GPR139: variants seen among roughly 807,000 people sequenced by gnomAD.
The protein encoded by GPR139 is probable G protein-coupled receptor 139.
Under a neutral mutation model 25.8 loss-of-function variants are expected in GPR139, and 12 were observed. The ratio of observed to expected loss-of-function variants is 0.47; its 90% CI spans 0.30 to 0.75. The LOEUF is 0.75. Ranked by LOEUF, GPR139 falls within the 30% of genes least tolerant of loss-of-function variation. GPR139 has a pLI of 0.07. For synonymous variants in GPR139, 184 were observed against 179.9 expected (o/e 1.02, Z -0.18); for missense variants, 380 against 450.2 (o/e 0.84, Z 1.41).
At chr16:20,032,998 C>T (rs962713304) in intron 1 of GPR139, among the ~76,000 whole-genome samples, 26 of 146,932 alleles carry the variant, frequency 1.8e-4, no homozygotes, top group African/African-American at 3.3e-4. Flanking sequence ...GTGGTGTTGC[C>T]GCCATTCTCC....
chr16:20,052,748 C>T (rs1475888544), intron 1 of GPR139, among the ~76,000 whole-genome samples: 1 of 147,612 alleles, frequency 6.8e-6, no homozygotes, highest in East Asian at 2.0e-4. Context: ...GAGATCGCGC[C>T]ACTGCACTCA....
chr16:20,048,723 C>A (rs1289610962), intron 1 of GPR139, among the ~76,000 whole-genome samples: 1 of 152,168 alleles, frequency 6.6e-6, no homozygotes, highest in Non-Finnish European at 1.5e-5. Context: ...CAGTTACACA[C>A]CCCATCCCAA....
intron 1 of GPR139, among the ~76,000 whole-genome samples, chr16:20,057,034 A>G (rs1201773237): frequency 6.6e-6 from 1 of 152,234 alleles, no homozygotes; most frequent in Non-Finnish European, 1.5e-5. Context: ...GAAGGAAGAC[A>G]CAGTTCCTTG....
At chr16:20,042,403 A>G (rs559041462) in intron 1 of GPR139, among the ~76,000 whole-genome samples, 1 of 152,246 alleles carries the variant, frequency 6.6e-6, no homozygotes, top group Non-Finnish European at 1.5e-5. Context: ...GCTTCTCCCC[A>G]TGGCACATTC....
intron 1 of GPR139, among the ~76,000 whole-genome samples, chr16:20,063,381 A>G (rs998981854): frequency 6.6e-6 from 1 of 152,214 alleles, no homozygotes; most frequent in Admixed American, 6.5e-5. Context: ...ATGTGTCTGT[A>G]GTCCTAGCTA....
At chr16:20,067,753 G>A (rs898416346) in intron 1 of GPR139, among the ~76,000 whole-genome samples, 11 of 141,144 alleles carry the variant, frequency 7.8e-5, no homozygotes, top group Non-Finnish European at 1.3e-4. Context: ...GCGGTGAGCC[G>A]AGATTGCACC....
intron 1 of GPR139, among the ~76,000 whole-genome samples, chr16:20,035,765 GT>G (rs2057307803): frequency 6.6e-6 from 1 of 152,206 alleles, no homozygotes; most frequent in South Asian, 2.1e-4. Context: ...ATGTGCAAAT[GT>G]TCTGAGGGGG....
rs1307718577 is a variant in GPR139, at chr16:20,029,958, C to T, written c.*1777G>A. Among the ~76,000 whole-genome samples the T allele has an allele frequency of 6.6e-6, 1 of 152,122 alleles. No individual in the cohort carries two copies. Among genetic ancestry groups the T allele is most frequent in the Non-Finnish European group, 1.5e-5 (1 of 68,012 alleles). ...ATGGCTCTTTTTTGAGGATCTTTTG[C>T]AAAGGTAACTTTGGCTCTGTAAGGT... On this transcript the variant is annotated 3_prime_UTR_variant, in exon 2 of 2. Transcript: ENST00000570682.
chr16:20,066,824 A>T (rs1268043421), intron 1 of GPR139, among the ~76,000 whole-genome samples: 1 of 152,238 alleles, frequency 6.6e-6, no homozygotes, highest in African/African-American at 2.4e-5. Flanking sequence ...TTTAATCCTC[A>T]AAACAGCCCA....
chr16:20,044,082 A>G (rs992273362), intron 1 of GPR139, among the ~76,000 whole-genome samples: 7 of 152,232 alleles, frequency 4.6e-5, no homozygotes, highest in African/African-American at 1.7e-4. Flanking sequence ...AATTGTGCAC[A>G]CAGACCTCTT....
intron 1 of GPR139, among the ~76,000 whole-genome samples, chr16:20,068,572 A>G (rs1335511955): frequency 6.6e-6 from 1 of 151,816 alleles, no homozygotes; most frequent in Non-Finnish European, 1.5e-5. Flanking sequence ...AAACTACTGA[A>G]TTCCTTCCTT....
chr16:20,072,358 C>T (rs2057462681), intron 1 of GPR139, among the ~76,000 whole-genome samples: 1 of 152,152 alleles, frequency 6.6e-6, no homozygotes, highest in Non-Finnish European at 1.5e-5. Context: ...CAGCCAGGCT[C>T]TCAGAAATCC....
At chr16:20,070,705 A>G (rs769739740) in intron 1 of GPR139, among the ~76,000 whole-genome samples, 10 of 152,240 alleles carry the variant, frequency 6.6e-5, no homozygotes, top group Admixed American at 2.6e-4. Flanking sequence ...AATTTGGGAA[A>G]CTTGGGGTGA....
chr16:20,032,721 G>A (rs1343466301), intron 1 of GPR139, 52 bp from the exon 2 acceptor site: 1 of 1,358,914 alleles, frequency 7.4e-7, no homozygotes, highest in South Asian at 1.4e-5. Context: ...TGACTTCGTT[G>A]GCTCCTATGG....
chr16:20,059,744 G>A lies in GPR139; in HGVS notation c.127+13746C>T, dbSNP rs114366322. 5.7e-3 allele frequency among the ~76,000 whole-genome samples: 862 copies of A among 152,326 alleles called. 5 individuals carry two copies. The highest frequency in any genetic ancestry group is 0.02 in the African/African-American group (843 of 41,564). ...ACAGGGGCTCATGGATATGAGCTAA[G>A]TGAACACAGTTGATCTTATCACCCT... On this transcript the variant is annotated intron_variant, in intron 1 of 1. Transcript: ENST00000570682.
Position 20,061,547 on chromosome 16 carries a change from G to C in GPR139, c.127+11943C>G, listed in dbSNP as rs145421522. On this transcript the variant is annotated intron_variant, in intron 1 of 1. Coordinates refer to ENST00000570682, the MANE Select transcript of GPR139 (RefSeq NM_001002911.4). Reference sequence around the variant, plus strand: ...TCTGATTTCTCTTCTCATCCTTTTTGCCATGGGGCAAAATGAAAGCACACA... The same window carrying C: ...TCTGATTTCTCTTCTCATCCTTTTTCCCATGGGGCAAAATGAAAGCACACA... Among the ~76,000 whole-genome samples, 183 of 152,314 alleles carry C rather than the reference G, an allele frequency of 1.2e-3. 1 individual carries two copies. Among genetic ancestry groups the C allele is most frequent in the African/African-American group, 4.1e-3 (171 of 41,580 alleles).
intron 1 of GPR139, among the ~76,000 whole-genome samples, chr16:20,060,943 T>C (rs1026382552): frequency 1.3e-5 from 2 of 152,178 alleles, no homozygotes; most frequent in Admixed American, 1.3e-4. Flanking sequence ...TGAGTTCTCT[T>C]GTCTGGGTCA....
intron 1 of GPR139, among the ~76,000 whole-genome samples, chr16:20,050,293 T>C (rs1018374088): frequency 6.6e-6 from 1 of 152,136 alleles, no homozygotes; most frequent in African/African-American, 2.4e-5. Flanking sequence ...GAACGAAATG[T>C]GCAAAGGCCA....
Position 20,029,811 on chromosome 16 carries a change from A to G in GPR139, c.*1924T>C, listed in dbSNP as rs1031634. Among the ~76,000 whole-genome samples the G allele has an allele frequency of 0.18, 27,888 of 152,134 alleles. 3,318 individuals are homozygous for G. Among genetic ancestry groups the G allele is most frequent in the East Asian group, 0.35 (1,793 of 5,158 alleles). The stretch of plus-strand genomic sequence containing the variant: ...CTCAGATACATTAGAATCACACAAT[A>G]TGGTCCCTAAATGAGAGCCAATTCT... On this transcript the variant is annotated 3_prime_UTR_variant, in exon 2 of 2. Coordinates refer to ENST00000570682, the MANE Select transcript of GPR139 (RefSeq NM_001002911.4).
Sources: allele counts gnomAD v4.1 joint callset (sites outside exome capture counted in the v4.1 genomes callset), GRCh38; gene constraint gnomAD v4.1.1; transcripts MANE v1.5; gene names NCBI Gene and HGNC (gene_info 2026-07-23, HGNC 2026-07-21).